Variants in ABCG1 observed in about 807,000 individuals in gnomAD.
The protein encoded by ABCG1 is ATP-binding cassette sub-family G member 1.
ABCG1 carries 29 observed loss-of-function variants against 69.2 expected under a neutral mutation model. The observed-to-expected ratio is 0.42, with a 90% CI of 0.31 to 0.57. ABCG1 has a LOEUF of 0.57. Ranked by LOEUF, ABCG1 falls within the 20% of genes least tolerant of loss-of-function variation. The pLI is 0.15. For synonymous variants in ABCG1, 370 were observed against 374.8 expected (o/e 0.99, Z 0.15); for missense variants, 718 against 898.1 (o/e 0.80, Z 2.56).
At chr21:42,229,645 A>G (rs1273241116) in intron 2 of ABCG1, among the ~76,000 whole-genome samples, 1 of 152,142 alleles carries the variant, frequency 6.6e-6, no homozygotes, top group African/African-American at 2.4e-5. Flanking sequence ...GCTTGAATCC[A>G]GGAGGCAGAG....
intron 13 of ABCG1, among the ~76,000 whole-genome samples, chr21:42,292,918 C>CACT (rs1180168779): frequency 4.0e-4 from 58 of 145,566 alleles, no homozygotes; most frequent in African/African-American, 1.5e-3. Context: ...CTACACACCA[C>CACT]ACATACTACA....
chr21:42,248,072 G>A (rs904570693), intron 2 of ABCG1, among the ~76,000 whole-genome samples: 1 of 152,222 alleles, frequency 6.6e-6, no homozygotes, highest in Non-Finnish European at 1.5e-5. Context: ...AGCAAAGATG[G>A]TCATGAGAGA....
Position 42,287,193 on chromosome 21 carries a change from A to G in ABCG1, c.974-696A>G, listed in dbSNP as rs935405536. 2.6e-5 allele frequency among the ~76,000 whole-genome samples: 4 copies of G among 152,168 alleles called. No individual in the cohort carries two copies. Among genetic ancestry groups the G allele is most frequent in the African/African-American group, 9.7e-5 (4 of 41,448 alleles). On this transcript the variant is annotated intron_variant, in intron 8 of 14. Transcript: ENST00000398449. The surrounding 1 kb of genome is among the most constrained non-coding windows in gnomAD (Gnocchi z 6.2). ...GGGTTGGGAGAAAGCAGATGTAGGC[A>G]GAGGGAAGGAGGCCAGTCACCACGG...
At chr21:42,230,759 C>T (rs1040173456) in intron 2 of ABCG1, among the ~76,000 whole-genome samples, 9 of 152,210 alleles carry the variant, frequency 5.9e-5, no homozygotes, top group Admixed American at 2.6e-4. Flanking sequence ...GAGATCCCGG[C>T]GGTTCCCACG....
At chr21:42,223,011 C>A (rs1208967918) in intron 1 of ABCG1, among the ~76,000 whole-genome samples, 1 of 152,142 alleles carries the variant, frequency 6.6e-6, no homozygotes, top group Non-Finnish European at 1.5e-5. Context: ...TCCTGTTATT[C>A]CCTCGGGGCT....
At chr21:42,256,377 C>T (rs911230593) in intron 2 of ABCG1, 17 of 1,550,220 alleles carry the variant, frequency 1.1e-5, no homozygotes, top group Non-Finnish European at 1.4e-5. Context: ...TCTGTCTGTA[C>T]CGCCATTCTC....
chr21:42,278,438 G>A (rs1452942820), intron 5 of ABCG1, among the ~76,000 whole-genome samples: 1 of 152,178 alleles, frequency 6.6e-6, no homozygotes, highest in Non-Finnish European at 1.5e-5. Context: ...TTTGAAGATC[G>A]GGTCTTTACA....
In ABCG1 at chr21:42,226,707, T is replaced by A. The variant is rs139944123; in HGVS notation, c.286+793T>A. Among the ~76,000 whole-genome samples the A allele has an allele frequency of 6.4e-4, 97 of 152,296 alleles. No individual in the cohort carries two copies. In the East Asian group the frequency reaches 0.017, roughly 27 times the overall value. On this transcript the variant is annotated intron_variant, in intron 2 of 14. Transcript: ENST00000398449. Reference sequence around the variant, plus strand: ...TATGCTCCAAGCACTCATTGTCTGCTCCTAAGTGGATCAGACAGGTGGGTT... The same window carrying A: ...TATGCTCCAAGCACTCATTGTCTGCACCTAAGTGGATCAGACAGGTGGGTT...
At chr21:42,210,816 G>A (rs1185070904) in intron 2 of ABCG1, among the ~76,000 whole-genome samples, 1 of 152,168 alleles carries the variant, frequency 6.6e-6, no homozygotes, top group Non-Finnish European at 1.5e-5. Context: ...TGGTGAAGAA[G>A]GGGTCCTCTC....
At chr21:42,286,575 T>G (rs895518160) in intron 8 of ABCG1, among the ~76,000 whole-genome samples, 2 of 151,900 alleles carry the variant, frequency 1.3e-5, no homozygotes, top group African/African-American at 4.8e-5. Context: ...GGAGTGTGGT[T>G]TAAGGTGGGA....
rs185552848 is a variant in ABCG1, at chr21:42,266,439, G to T, written c.287-4631G>T. Among the ~76,000 whole-genome samples, 76 of 152,354 alleles carry T rather than the reference G, an allele frequency of 5.0e-4. 1 individual carries two copies. Among genetic ancestry groups the T allele is most frequent in the African/African-American group, 1.6e-3 (68 of 41,578 alleles). On this transcript the variant is annotated intron_variant, in intron 2 of 14. Transcript: ENST00000398449. The stretch of plus-strand genomic sequence containing the variant: ...TATAGTGAGTAGCTCTGAAGGACCA[G>T]CATGCTCTGTTCCTGTCTCTCCCAA...
At position 42,287,788 on chromosome 21, in the gene ABCG1, A is replaced by G. The variant is rs1601450487; in HGVS notation, c.974-101A>G. ...AGCACCGCCACGCAGCATCTATGTA[A>G]TCGCTTTAAAACATTCCCACTTGAA... On this transcript the variant is annotated intron_variant, in intron 8 of 14. Coordinates refer to ENST00000398449, the MANE Select transcript of ABCG1 (RefSeq NM_016818.3). This position sits in a 1 kb window ranked among gnomAD's most constrained non-coding sequence, Gnocchi z 6.2. 8.1e-7 allele frequency: 1 copy of G among 1,239,202 alleles called. No homozygotes were observed. The highest frequency in any genetic ancestry group is 2.4e-5 in the East Asian group (1 of 41,746). The allele number at this position is 1,239,202 out of a possible 1,614,324, so 76.8% of individuals were successfully genotyped here.
chr21:42,225,964 G>C, intron 2 of ABCG1, 50 bp downstream of exon 2: 2 of 1,588,242 alleles, frequency 1.3e-6, no homozygotes, highest in Non-Finnish European at 1.7e-6. Flanking sequence ...GCCTCTGAAG[G>C]AGGCAACAGG....
intron 2 of ABCG1, among the ~76,000 whole-genome samples, chr21:42,233,291 G>C (rs1031290253): frequency 6.6e-6 from 1 of 152,158 alleles, no homozygotes; most frequent in Admixed American, 6.5e-5. Context: ...ATCCAGCTGA[G>C]ACCTATATTT....
chr21:42,260,281 G>A (rs2123686414), intron 2 of ABCG1: 4 of 1,467,514 alleles, frequency 2.7e-6, no homozygotes, highest in Non-Finnish European at 1.8e-6. Context: ...GGAGCCGAAT[G>A]GTGGCCCGGC....
At chr21:42,258,274 C>G (rs2068343664) in intron 2 of ABCG1, among the ~76,000 whole-genome samples, 1 of 151,928 alleles carries the variant, frequency 6.6e-6, no homozygotes, top group South Asian at 2.1e-4. Flanking sequence ...CTCCACCCAT[C>G]CCTCCCTTTA....
intron 2 of ABCG1, among the ~76,000 whole-genome samples, chr21:42,249,239 GGGTGTGTTGCTGAGATTACC>G (rs1439628999): frequency 5.3e-5 from 8 of 152,074 alleles, no homozygotes; most frequent in African/African-American, 1.9e-4. Context: ...GCCGGGCCTG[GGGTGTGTTGCTGAGATTACC>G]GCCTGGCTGG....
intron 2 of ABCG1, among the ~76,000 whole-genome samples, chr21:42,253,340 C>A (rs1438386192): frequency 2.6e-5 from 4 of 152,206 alleles, no homozygotes; most frequent in Non-Finnish European, 5.9e-5. Context: ...GAAGGATCAT[C>A]CCAGCCATCA....
At chr21:42,274,807 G>A (rs2068681830) in intron 4 of ABCG1, among the ~76,000 whole-genome samples, 1 of 152,046 alleles carries the variant, frequency 6.6e-6, no homozygotes, top group Non-Finnish European at 1.5e-5. Flanking sequence ...CCAACTCATG[G>A]CGACTGAAAC....
Sources: allele counts gnomAD v4.1 joint callset (sites outside exome capture counted in the v4.1 genomes callset), GRCh38; gene constraint gnomAD v4.1.1; non-coding constraint Gnocchi (gnomAD v3.1); transcripts MANE v1.5; gene names NCBI Gene and HGNC (gene_info 2026-07-23, HGNC 2026-07-21).